PTPRG: variants seen among roughly 807,000 people sequenced by gnomAD.
PTPRG encodes the protein receptor-type tyrosine-protein phosphatase gamma.
A neutral mutation model predicts 165.3 loss-of-function variants in PTPRG; 102 were observed. The ratio of observed to expected loss-of-function variants is 0.62; its 90% CI spans 0.53 to 0.73. The LOEUF (loss-of-function observed/expected upper bound fraction) is 0.73. Ranked by LOEUF, PTPRG falls within the 30% of genes least tolerant of loss-of-function variation. PTPRG has a pLI of 0.00. For synonymous variants in PTPRG, 675 were observed against 669.5 expected, an observed-to-expected ratio of 1.01 and a Z score of -0.13; for missense variants, 1,866 against 1,861.4, an observed-to-expected ratio of 1.00 and a Z score of -0.05.
At chr3:61,724,211 C>T (rs1010665297) in intron 1 of PTPRG, among the ~76,000 whole-genome samples, 9 of 29,784 alleles carry the variant, frequency 3.0e-4, no homozygotes, top group African/African-American at 1.3e-3. Context: ...GTGAGACTCC[C>T]ATCTCCAAAA....
chr3:62,084,637 A>G (rs1271071467), intron 5 of PTPRG, among the ~76,000 whole-genome samples: 1 of 152,234 alleles, frequency 6.6e-6, no homozygotes, highest in African/African-American at 2.4e-5. Context: ...TTGAGAAGGC[A>G]GGAGGAGTTC....
chr3:61,988,682 T>A (rs75722877), intron 2 of PTPRG, among the ~76,000 whole-genome samples: 3,102 of 152,236 alleles, frequency 0.02, 91 homozygotes, highest in African/African-American at 0.069. Context: ...CTTATCTAAT[T>A]CTCAATAAAG....
intron 1 of PTPRG, among the ~76,000 whole-genome samples, chr3:61,581,961 GTTTTAT>G (rs529877697): frequency 1.3e-5 from 2 of 151,222 alleles, no homozygotes; most frequent in African/African-American, 2.4e-5. Flanking sequence ...ATTTTGTTTT[GTTTTAT>G]TTTTATTTTT....
At position 62,285,439 on chromosome 3, in the gene PTPRG, C is replaced by G. The variant is rs569874738; in HGVS notation, c.4055+2570C>G. Among the ~76,000 whole-genome samples the G allele has an allele frequency of 3.9e-5, 5 of 128,822 alleles. No homozygotes were observed. The Admixed American group carries it at 5.1e-4, about 13-fold the overall frequency. The allele number at this position is 128,822 out of a possible 152,430, so 84.5% of individuals were successfully genotyped here. ...TTGATCTGTGAGGCAGAGAGTTGAA[C>G]TTTTAGTGTGCAAATGTTGTGACAT... On this transcript the variant is annotated intron_variant, in intron 28 of 29. Coordinates refer to ENST00000474889, the MANE Select transcript of PTPRG (RefSeq NM_002841.4).
intron 1 of PTPRG, among the ~76,000 whole-genome samples, chr3:61,741,338 G>A (rs901370198): frequency 1.8e-4 from 27 of 152,138 alleles, no homozygotes; most frequent in African/African-American, 6.5e-4. Flanking sequence ...TTATGTTTTG[G>A]CAGTATATCT....
intron 5 of PTPRG, among the ~76,000 whole-genome samples, chr3:62,126,737 T>TA (rs1211524124): frequency 2.0e-5 from 3 of 152,256 alleles, no homozygotes; most frequent in African/African-American, 7.2e-5. Context: ...CACACTTGGT[T>TA]ACTCATCTTT....
At chr3:61,966,626 G>GT (rs369191247) in intron 2 of PTPRG, among the ~76,000 whole-genome samples, 41 of 149,382 alleles carry the variant, frequency 2.7e-4, no homozygotes, top group African/African-American at 5.6e-4. Context: ...ATTCATTCGT[G>GT]TTTTTTTTTT....
chr3:61,990,553 GT>G (rs2040859748), intron 3 of PTPRG, among the ~76,000 whole-genome samples: 1 of 152,148 alleles, frequency 6.6e-6, no homozygotes. Context: ...TTTATAGATT[GT>G]CCTTGTAAGT....
intron 1 of PTPRG, among the ~76,000 whole-genome samples, chr3:61,652,776 C>G (rs955226330): frequency 1.3e-5 from 2 of 152,194 alleles, no homozygotes; most frequent in African/African-American, 4.8e-5. Context: ...CCTCCACTCA[C>G]TGGATGCCAC....
intron 1 of PTPRG, among the ~76,000 whole-genome samples, chr3:61,591,142 C>T (rs1700558134): frequency 6.6e-6 from 1 of 152,234 alleles, no homozygotes; most frequent in African/African-American, 2.4e-5. Context: ...GCCATTAAGG[C>T]CACTTCACAG....
chr3:62,282,265 A>G (rs1469159522), intron 27 of PTPRG, among the ~76,000 whole-genome samples: 1 of 152,056 alleles, frequency 6.6e-6, no homozygotes, highest in Non-Finnish European at 1.5e-5. Flanking sequence ...GTTTTGAGAC[A>G]AGGTCTCACT....
At chr3:61,657,159 G>A (rs1407284042) in intron 1 of PTPRG, among the ~76,000 whole-genome samples, 1 of 152,072 alleles carries the variant, frequency 6.6e-6, no homozygotes, top group African/African-American at 2.4e-5. Flanking sequence ...ATTGTCTACC[G>A]GTAATAAACT....
Position 61,562,113 on chromosome 3 carries a change from G to A in PTPRG, c.-175G>A. 1.7e-6 allele frequency: 1 copy of A among 591,120 alleles called. No homozygotes were observed. Among genetic ancestry groups the A allele is most frequent in the South Asian group, 2.0e-5 (1 of 49,242 alleles). The allele number at this position is 591,120 out of a possible 1,614,324, so 36.6% of individuals were successfully genotyped here. A position where few individuals can be genotyped will look rare whatever the true frequency, so the allele number is the denominator to read the frequency against. On this transcript the variant is annotated 5_prime_UTR_variant, in exon 1 of 30. Transcript: ENST00000474889. ...CCGGTCACTTTTTGAGATTTTCCGG[G>A]GGGCGCTCGGCGGCTTCCCGGATTC... is the stretch of plus-strand genomic sequence containing the variant.
chr3:61,570,036 T>C (rs1202816920), intron 1 of PTPRG, among the ~76,000 whole-genome samples: 1 of 152,198 alleles, frequency 6.6e-6, no homozygotes, highest in Non-Finnish European at 1.5e-5. Flanking sequence ...TCTCAGGCTT[T>C]ATGGACAGTG....
Position 61,928,748 on chromosome 3 carries a change from G to A in PTPRG, c.191-60877G>A, listed in dbSNP as rs541838271. 1.2e-4 allele frequency among the ~76,000 whole-genome samples: 19 copies of A among 152,160 alleles called. No individual in the cohort carries two copies. The East Asian group carries it at 3.3e-3, about 26-fold the overall frequency. ...TTCTAGAGATACTGGAGATAAGGGG[G>A]ATGAAAATGTCTTATCTCTTTTCAG... On this transcript the variant is annotated intron_variant, in intron 2 of 29. Transcript: ENST00000474889.
intron 28 of PTPRG, among the ~76,000 whole-genome samples, chr3:62,287,187 G>T (rs1392440514): frequency 6.6e-6 from 1 of 152,078 alleles, no homozygotes; most frequent in African/African-American, 2.4e-5. Context: ...GAAAAAAGGG[G>T]AGATTCTTAA....
Position 61,802,728 on chromosome 3 carries a change from CTT to C in PTPRG, c.190+53748_190+53749del, listed in dbSNP as rs1310741832. 2.0e-5 allele frequency among the ~76,000 whole-genome samples: 3 copies of C among 152,016 alleles called. No homozygotes were observed. The East Asian group carries it at 5.8e-4, about 29-fold the overall frequency. On this transcript the variant is annotated intron_variant, in intron 2 of 29. Coordinates refer to ENST00000474889, the MANE Select transcript of PTPRG (RefSeq NM_002841.4). ...GACTGTCTGTCTCTGTGGAGAGCCTCTTTGTATGACACCAGCTCTGCAGCAGG... is the reference window on the plus strand; with the variant it reads ...GACTGTCTGTCTCTGTGGAGAGCCTCTGTATGACACCAGCTCTGCAGCAGG...
intron 4 of PTPRG, among the ~76,000 whole-genome samples, chr3:62,012,506 A>G (rs1385049207): frequency 6.6e-6 from 1 of 152,126 alleles, no homozygotes; most frequent in Non-Finnish European, 1.5e-5. Context: ...CTTATATATA[A>G]TGAGGTTTCT....
At chr3:61,672,707 T>G (rs1575579986) in intron 1 of PTPRG, among the ~76,000 whole-genome samples, 4 of 113,912 alleles carry the variant, frequency 3.5e-5, no homozygotes, top group South Asian at 2.7e-4. Flanking sequence ...AGGGAGACCG[T>G]GGAAAGAGAG....
Sources: allele counts gnomAD v4.1 joint callset (sites outside exome capture counted in the v4.1 genomes callset), GRCh38; gene constraint gnomAD v4.1.1; transcripts MANE v1.5; gene names NCBI Gene and HGNC (gene_info 2026-07-23, HGNC 2026-07-21).